Variants in MROH2A observed in about 807,000 individuals in gnomAD.
MROH2A encodes the protein maestro heat-like repeat-containing protein family member 2A.
MROH2A carries 174 observed loss-of-function variants against 200.4 expected under a neutral mutation model. The observed-to-expected ratio is 0.87, with a 90% CI of 0.77 to 0.98. The LOEUF (loss-of-function observed/expected upper bound fraction) is 0.98, where lower values mean the gene tolerates loss of function less well. MROH2A is among the 50% of genes least tolerant of loss of function. MROH2A has a pLI of 0.00. For missense variants in MROH2A, 2,045 were observed against 2,139.6 expected, an observed-to-expected ratio of 0.96 and a Z score of 0.87; for synonymous variants, 829 against 840.4, an observed-to-expected ratio of 0.99 and a Z score of 0.23.
Position 233,819,417 on chromosome 2 carries a change from T to C in MROH2A, c.3305T>C (p.Val1102Ala). 1 of 1,550,540 alleles carries C rather than the reference T, an allele frequency of 6.4e-7. No homozygotes were observed. Among genetic ancestry groups the C allele is most frequent in the Non-Finnish European group, 8.7e-7 (1 of 1,146,962 alleles). The change falls in exon 30 of 42, where the codon GTC becomes GCC. Residue 1102 changes from valine (V) to alanine (A), a missense_variant. Physicochemically the swap from Val to Ala is moderately conservative, Grantham distance 64 (BLOSUM62 0). Transcript: ENST00000389758. The stretch of plus-strand genomic sequence containing the variant: ...AACCTGCAGCATGACAAGGCCTCTG[T>C]CACCTGGATAGCCTTCTTCCTCCAG... ...AMNLQHDKAS[V>A]TWIAFFLQMR...
intron 22 of MROH2A, among the ~76,000 whole-genome samples, chr2:233,810,179 G>C (rs1422028424): frequency 2.0e-5 from 3 of 152,214 alleles, no homozygotes; most frequent in African/African-American, 7.2e-5. Flanking sequence ...GGAGGCTTGG[G>C]AAGGTGGCAT....
intron 3 of MROH2A, among the ~76,000 whole-genome samples, chr2:233,780,502 A>G (rs1700905755): frequency 6.6e-6 from 1 of 152,212 alleles, no homozygotes; most frequent in African/African-American, 2.4e-5. Flanking sequence ...TGGAGTGGGT[A>G]GCAAAGGGGT....
intron 1 of MROH2A, 33 bp from the exon 2 acceptor site, chr2:233,779,312 C>T: frequency 2.2e-6 from 3 of 1,352,010 alleles, no homozygotes; most frequent in Non-Finnish European, 3.1e-6. Context: ...TGTGTCACAC[C>T]CCGTATTTTA....
chr2:233,822,256 G>T lies in MROH2A; in HGVS notation c.3645G>T (p.Trp1215Cys). 4.5e-6 allele frequency: 7 copies of T among 1,547,534 alleles called. No homozygotes were observed. Among genetic ancestry groups the T allele is most frequent in the Non-Finnish European group, 6.1e-6 (7 of 1,146,986 alleles). ...GTGCCACCTCCAAGGCTGACATCTG[G>T]CGCCTGGCTGCGGTGGACCCCCTGA... is the stretch of plus-strand genomic sequence containing the variant. The part of the protein sequence containing the change: ...RISATSKADI[W>C]RLAAVDPLMT... Residue 1215 changes from tryptophan to cysteine, a missense_variant, in exon 32 of 42, where the codon TGG (tryptophan) becomes TGT (cysteine). Physicochemically the swap from Trp to Cys is radical, Grantham distance 215. This residue lies in a region of MROH2A where 1,201 missense variants were observed against 1,311.3 expected (regional missense o/e 0.92). Coordinates refer to ENST00000389758, the MANE Select transcript of MROH2A (RefSeq NM_001394639.1).
intron 3 of MROH2A, among the ~76,000 whole-genome samples, chr2:233,788,072 T>C (rs1199215476): frequency 4.5e-5 from 4 of 89,398 alleles, no homozygotes; most frequent in South Asian, 2.9e-4. Context: ...ATTATATATA[T>C]ACATATATAT....
intron 5 of MROH2A, among the ~76,000 whole-genome samples, chr2:233,792,315 CTTT>C (rs550589309): frequency 2.1e-5 from 3 of 141,210 alleles, no homozygotes; most frequent in East Asian, 2.0e-4. Flanking sequence ...TTCTAGCTCA[CTTT>C]TTTTTTTTTT....
Position 233,789,966 on chromosome 2 carries a change from A to C in MROH2A, c.523A>C (p.Thr175Pro). The change falls in exon 5 of 42, where the codon ACT (threonine) becomes CCT (proline). Residue 175 changes from threonine to proline, a missense_variant. Physicochemically the swap from Thr to Pro is conservative, Grantham distance 38. Coordinates refer to ENST00000389758, the MANE Select transcript of MROH2A (RefSeq NM_001394639.1). ...LQHHLKPLNL[T>P]DEFVIITLAK... ...GCACCACCTCAAGCCCCTCAACCTC[A>C]CTGATGAATTTGTCATCATCACACT... The C allele has an allele frequency of 6.4e-7, 1 of 1,550,406 alleles. No individual in the cohort carries two copies. The highest frequency in any genetic ancestry group is 8.7e-7 in the Non-Finnish European group (1 of 1,146,892).
At position 233,828,995 on chromosome 2, in the gene MROH2A, C is replaced by T. The variant is rs1439936465; in HGVS notation, c.4369C>T (p.Leu1457=). The change falls in exon 37 of 42, where the codon CTG becomes TTG. Residue 1457 remains leucine, a synonymous_variant. Coordinates refer to ENST00000389758, the MANE Select transcript of MROH2A (RefSeq NM_001394639.1). The surrounding 1 kb of genome is among the most constrained non-coding windows in gnomAD (Gnocchi z 4.6). ...AEGMEALTKI[L]AELREGDVGS... ...GGGCATGGAGGCCCTGACCAAGATCCTGGCTGAGCTCCGGGAAGGGGATGT... is the reference window on the plus strand; with the variant it reads ...GGGCATGGAGGCCCTGACCAAGATCTTGGCTGAGCTCCGGGAAGGGGATGT... The T allele has an allele frequency of 6.4e-7, 1 of 1,550,504 alleles. No homozygotes were observed. Among genetic ancestry groups the T allele is most frequent in the South Asian group, 1.2e-5 (1 of 84,050 alleles).
Position 233,828,156 on chromosome 2 carries a change from G to T in MROH2A, c.4114-474G>T, listed in dbSNP as rs1031063185. ...CACCAATTTGGTGTTTAGTTTTCAG[G>T]CCTCTTTCAAACATACTCAGGTACT... On this transcript the variant is annotated intron_variant, in intron 35 of 41. Coordinates refer to ENST00000389758, the MANE Select transcript of MROH2A (RefSeq NM_001394639.1). The surrounding 1 kb of genome is among the most constrained non-coding windows in gnomAD (Gnocchi z 4.6). 1.3e-5 allele frequency among the ~76,000 whole-genome samples: 2 copies of T among 152,110 alleles called. No individual in the cohort carries two copies. The highest frequency in any genetic ancestry group is 4.8e-5 in the African/African-American group (2 of 41,396).
rs1052037487 is a variant in MROH2A at position 233,793,844 on chromosome 2, G to A, written c.822+20G>A. On this transcript the variant is annotated intron_variant, in intron 7 of 41. Transcript: ENST00000389758. Reference sequence around the variant, plus strand: ...CCCGAGGTGAGATGCACCCCTCTTAGGAGGGCCTGGTGGTCCCCAGGCCAC... The same window carrying A: ...CCCGAGGTGAGATGCACCCCTCTTAAGAGGGCCTGGTGGTCCCCAGGCCAC... 11 of 1,382,046 alleles carry A rather than the reference G, an allele frequency of 8.0e-6. No homozygotes were observed. In the African/African-American group the frequency reaches 1.6e-4, roughly 21 times the overall value. The allele number at this position is 1,382,046 out of a possible 1,614,324, so 85.6% of individuals were successfully genotyped here. A position where few individuals can be genotyped will look rare whatever the true frequency, so the allele number is the denominator to read the frequency against.
At chr2:233,804,692 A>G in intron 18 of MROH2A, 145 bp downstream of exon 18, 1 of 776,106 alleles carries the variant, frequency 1.3e-6, no homozygotes, top group South Asian at 1.7e-5. Context: ...CTTGGGAGTT[A>G]CAAAGTCTAT....
chr2:233,818,073 A>G lies in MROH2A; in HGVS notation c.3033A>G (p.Gln1011=). 1.9e-6 allele frequency: 3 copies of G among 1,550,986 alleles called. No homozygotes were observed. The highest frequency in any genetic ancestry group is 2.6e-6 in the Non-Finnish European group (3 of 1,147,082). The change falls in exon 28 of 42, where the codon CAA becomes CAG. Residue 1011 remains glutamine (Q), a synonymous_variant. Coordinates refer to ENST00000389758, the MANE Select transcript of MROH2A (RefSeq NM_001394639.1). ...CCCCGTGCACCTGTGATGCCCATCA[A>G]AGAACCCGCATGGCCTCAATGAATG... is the stretch of plus-strand genomic sequence containing the variant. ...LIAPCTCDAH[Q]RTRMASMNVL...
At chr2:233,815,605 C>T (rs916225372) in intron 26 of MROH2A, among the ~76,000 whole-genome samples, 4 of 152,120 alleles carry the variant, frequency 2.6e-5, no homozygotes, top group Non-Finnish European at 4.4e-5. Context: ...TAATTTTTTG[C>T]ACATGGATAG....
chr2:233,818,827 C>G, intron 29 of MROH2A, 57 bp downstream of exon 29: 1 of 1,189,826 alleles, frequency 8.4e-7, no homozygotes, highest in Non-Finnish European at 1.2e-6. Context: ...CCTTGGCCGT[C>G]TCTCAGGGAG....
intron 29 of MROH2A, 97 bp from the exon 30 acceptor site, chr2:233,819,220 C>G (rs1190971035): frequency 8.0e-7 from 1 of 1,247,052 alleles, no homozygotes; most frequent in Non-Finnish European, 1.1e-6. Context: ...AGGATAGGAG[C>G]CTGGAGTGGG....
chr2:233,795,878 C>A, intron 9 of MROH2A, 89 bp from the exon 10 acceptor site: 1 of 1,526,572 alleles, frequency 6.6e-7, no homozygotes, highest in Non-Finnish European at 8.9e-7. Context: ...GGCTGTGGTG[C>A]CCATGCAGCC....
chr2:233,823,010 GCTGGCCAGGTGGGCC>G lies in MROH2A; in HGVS notation c.4002_4004+12del. 6.5e-7 allele frequency: 1 copy of G among 1,550,276 alleles called. No homozygotes were observed. On this transcript the variant is annotated splice_donor_variant and splice_donor_5th_base_variant and coding_sequence_variant and intron_variant, in exon 34 of 42. Coordinates refer to ENST00000389758, the MANE Select transcript of MROH2A (RefSeq NM_001394639.1). LOFTEE classifies it high-confidence loss of function. ...GGACATTCCTGGAGGGTGTGAGCCTGCTGGCCAGGTGGGCCCTGGCTCCCACAGGGTGGCAGGGGG... is the reference window on the plus strand; with the variant it reads ...GGACATTCCTGGAGGGTGTGAGCCTGCTGGCTCCCACAGGGTGGCAGGGGG...
At position 233,789,846 on chromosome 2, in the gene MROH2A, C is replaced by T. The variant is rs1701610278; in HGVS notation, c.409-6C>T. 1.3e-6 allele frequency: 2 copies of T among 1,547,860 alleles called. No homozygotes were observed. Among genetic ancestry groups the T allele is most frequent in the South Asian group, 1.2e-5 (1 of 83,814 alleles). ...GTGCCATATGTCCCTCTTCTGTCTC[C>T]TGCAGATGGAGGGCTATATGAAGGC... is the stretch of plus-strand genomic sequence containing the variant. On this transcript the variant is annotated splice_polypyrimidine_tract_variant and splice_region_variant and intron_variant, in intron 4 of 41. Transcript: ENST00000389758.
chr2:233,795,981 C>T lies in MROH2A; in HGVS notation c.1074C>T (p.Ala358=). ...TCCCTCACCAGGTGTGCAACAAGGC[C>T]CCGGCCCAGCATCAGTACAGCAGCC... ...TELHVQVCNK[A]PAQHQYSSQN... The change falls in exon 10 of 42, where the codon GCC becomes GCT. Residue 358 remains alanine (A), a synonymous_variant. Transcript: ENST00000389758. 1.9e-6 allele frequency: 3 copies of T among 1,550,584 alleles called. No individual in the cohort carries two copies. The highest frequency in any genetic ancestry group is 2.6e-6 in the Non-Finnish European group (3 of 1,146,980).
Sources: gnomAD v4.1 joint callset for allele counts (sites outside exome capture counted in the v4.1 genomes callset) on GRCh38, gnomAD v4.1.1 for gene constraint, gnomAD v4.1.1 regional missense constraint, Gnocchi (gnomAD v3.1) non-coding constraint, MANE v1.5 for transcripts, NCBI Gene and HGNC (gene_info 2026-07-23, HGNC 2026-07-21) for gene names.